CCDC178: variants seen among roughly 807,000 people sequenced by gnomAD.
CCDC178 encodes the protein coiled-coil domain containing 178.
A neutral mutation model predicts 117.4 loss-of-function variants in CCDC178; 126 were observed. The observed-to-expected ratio is 1.07, with a 90% CI of 0.93 to 1.24. The LOEUF (loss-of-function observed/expected upper bound fraction) is 1.24. Among genes scored for constraint, CCDC178 ranks in the 50% most tolerant of loss-of-function variants. The pLI, the probability that CCDC178 is intolerant of heterozygous loss-of-function variation, is 0.00. For synonymous variants in CCDC178, 283 were observed against 313.4 expected (o/e 0.90, Z 1.02); for missense variants, 1,030 against 986.9 (o/e 1.04, Z -0.59).
chr18:33,232,573 C>T (rs756519421), intron 15 of CCDC178, among the ~76,000 whole-genome samples: 56 of 152,230 alleles, frequency 3.7e-4, no homozygotes, highest in Admixed American at 1.0e-3. Context: ...TATGGTTGTG[C>T]ATTATTAGGA....
intron 20 of CCDC178, among the ~76,000 whole-genome samples, chr18:33,199,530 T>G (rs769777814): frequency 2.6e-5 from 4 of 152,198 alleles, no homozygotes; most frequent in Admixed American, 6.5e-5. Context: ...CAATTACACA[T>G]TCCATTAACC....
intron 21 of CCDC178, among the ~76,000 whole-genome samples, chr18:32,979,184 TCTTA>T (rs1238910700): frequency 2.0e-5 from 3 of 151,230 alleles, no homozygotes; most frequent in Non-Finnish European, 2.9e-5. Flanking sequence ...TGAGACAGAG[TCTTA>T]CTTTGTCGCC....
chr18:33,264,640 C>T (rs984310765), intron 14 of CCDC178, among the ~76,000 whole-genome samples: 5 of 152,042 alleles, frequency 3.3e-5, no homozygotes, highest in African/African-American at 7.2e-5. Context: ...ATTCCCACTG[C>T]TTGTGATAGA....
At chr18:33,388,985 T>C (rs1416139066) in intron 5 of CCDC178, among the ~76,000 whole-genome samples, 1 of 151,818 alleles carries the variant, frequency 6.6e-6, no homozygotes, top group Non-Finnish European at 1.5e-5. Context: ...CTGGGGCCTG[T>C]AGGGGGAGGG....
At chr18:33,381,467 G>A (rs1178940533) in intron 5 of CCDC178, among the ~76,000 whole-genome samples, 2 of 152,072 alleles carry the variant, frequency 1.3e-5, no homozygotes, top group Non-Finnish European at 2.9e-5. Flanking sequence ...TTGCACCTCA[G>A]TCATTTCTAC....
rs747675216 is a variant in CCDC178 at position 33,224,831 on chromosome 18, G to A, written c.1762C>T (p.Leu588Phe). ...CTTTCAGCTTCATCTTCTAGTTGAAGCAGAGGTTCCTGTAGTTCTGCCAGT... is the reference window on the plus strand; with the variant it reads ...CTTTCAGCTTCATCTTCTAGTTGAAACAGAGGTTCCTGTAGTTCTGCCAGT... ...MSLAELQEPL[L>F]QLEDEAERIR... Residue 588 changes from leucine (L) to phenylalanine (F), a missense_variant, in exon 17 of 23, where the codon CTT becomes TTT. By Grantham distance (22) the Leu-to-Phe change is conservative. Transcript: ENST00000383096. The A allele has an allele frequency of 6.4e-7, 1 of 1,571,376 alleles. No individual in the cohort carries two copies. Among genetic ancestry groups the A allele is most frequent in the South Asian group, 1.2e-5 (1 of 84,616 alleles).
intron 12 of CCDC178, among the ~76,000 whole-genome samples, chr18:33,274,160 G>A (rs949384590): frequency 1.3e-5 from 2 of 151,594 alleles, no homozygotes; most frequent in African/African-American, 4.8e-5. Context: ...AGAGACTATG[G>A]AAATGCAAAT....
intron 20 of CCDC178, among the ~76,000 whole-genome samples, chr18:33,176,096 C>T (rs1443892988): frequency 6.6e-6 from 1 of 152,124 alleles, no homozygotes; most frequent in Non-Finnish European, 1.5e-5. Context: ...CTATGTATTA[C>T]TTCCTTTAAA....
At chr18:33,240,043 C>A (rs1599039792) in intron 15 of CCDC178, among the ~76,000 whole-genome samples, 1 of 151,958 alleles carries the variant, frequency 6.6e-6, no homozygotes. Flanking sequence ...CAAGTATCTT[C>A]TCTGACCACT....
intron 20 of CCDC178, among the ~76,000 whole-genome samples, chr18:33,192,286 G>A (rs1268154981): frequency 6.6e-6 from 1 of 152,058 alleles, no homozygotes; most frequent in African/African-American, 2.4e-5. Flanking sequence ...ACATGCAGCA[G>A]CTAGATAAGA....
chr18:33,074,757 T>G (rs1358122522), intron 21 of CCDC178, among the ~76,000 whole-genome samples: 2 of 152,174 alleles, frequency 1.3e-5, no homozygotes, highest in Non-Finnish European at 2.9e-5. Context: ...CCTATGGGGT[T>G]TGACATCATG....
chr18:33,291,304 A>G (rs151131030), intron 12 of CCDC178, among the ~76,000 whole-genome samples: 4 of 152,296 alleles, frequency 2.6e-5, no homozygotes, highest in Admixed American at 2.6e-4. Flanking sequence ...GGTTGGGTAA[A>G]TATATTTTTA....
At chr18:33,216,367 C>T (rs2059165057) in intron 18 of CCDC178, among the ~76,000 whole-genome samples, 1 of 152,018 alleles carries the variant, frequency 6.6e-6, no homozygotes, top group African/African-American at 2.4e-5. Context: ...GCACTTCTTT[C>T]CATGGTAGGC....
rs1210070297 is a variant in CCDC178 at position 32,974,570 on chromosome 18, T to C, written c.2500A>G (p.Ile834Val). ...ANFQTDSQES[I>V]QKILAVQEES... ...ACCTGCACAGCTAATATTTTCTGAA[T>C]ACTCTCCTGAGAGTCTGTCTGGAAG... Residue 834 changes from isoleucine to valine, a missense_variant, in exon 22 of 23, where the codon ATT (isoleucine) becomes GTT (valine). By Grantham distance (29) the Ile-to-Val change is conservative. Coordinates refer to ENST00000383096, the MANE Select transcript of CCDC178 (RefSeq NM_001105528.4). 42 of 1,613,604 alleles carry C rather than the reference T, an allele frequency of 2.6e-5. No individual in the cohort carries two copies. Among genetic ancestry groups the C allele is most frequent in the Non-Finnish European group, 3.5e-5 (41 of 1,179,708 alleles).
intron 20 of CCDC178, among the ~76,000 whole-genome samples, chr18:33,200,240 C>A (rs1321958041): frequency 6.6e-6 from 1 of 152,168 alleles, no homozygotes; most frequent in Non-Finnish European, 1.5e-5. Flanking sequence ...GGTAATGGGA[C>A]AAGGTTCTTT....
chr18:33,151,377 G>A (rs2058339831), intron 20 of CCDC178, among the ~76,000 whole-genome samples: 1 of 152,090 alleles, frequency 6.6e-6, no homozygotes, highest in Admixed American at 6.5e-5. Context: ...CATCAGAGTT[G>A]TAAGTTACTT....
Position 32,974,622 on chromosome 18 carries a change from G to T in CCDC178, c.2448C>A (p.Val816=). Residue 816 remains valine, a synonymous_variant, in exon 22 of 23, where the codon GTC becomes GTA. Transcript: ENST00000383096. Reference sequence around the variant, plus strand: ...TGGCCAGCCTCATCTGGCTGAAGAGGACCACCAGTTTGAAGTGCTCCTGCC... The same window carrying T: ...TGGCCAGCCTCATCTGGCTGAAGAGTACCACCAGTTTGAAGTGCTCCTGCC... The part of the protein sequence containing the change: ...TLWQEHFKLV[V]LFSQMRLANF... 2 of 1,613,424 alleles carry T rather than the reference G, an allele frequency of 1.2e-6. No homozygotes were observed. The highest frequency in any genetic ancestry group is 1.7e-6 in the Non-Finnish European group (2 of 1,179,710).
chr18:33,000,199 A>G (rs1244090876), intron 21 of CCDC178, among the ~76,000 whole-genome samples: 1 of 152,072 alleles, frequency 6.6e-6, no homozygotes, highest in East Asian at 1.9e-4. Flanking sequence ...TGCAACTGAT[A>G]TACTAAAGAA....
At chr18:33,177,402 A>G (rs2058676367) in intron 20 of CCDC178, among the ~76,000 whole-genome samples, 1 of 152,158 alleles carries the variant, frequency 6.6e-6, no homozygotes, top group Non-Finnish European at 1.5e-5. Context: ...ATAAAAAACC[A>G]TCTTATCTGC....
Sources: allele counts gnomAD v4.1 joint callset (sites outside exome capture counted in the v4.1 genomes callset), GRCh38; gene constraint gnomAD v4.1.1; transcripts MANE v1.5; gene names NCBI Gene and HGNC (gene_info 2026-07-23, HGNC 2026-07-21).